GABRA4: variants seen among roughly 807,000 people sequenced by gnomAD.
GABRA4 encodes the protein gamma-aminobutyric acid receptor subunit alpha-4.
Under a neutral mutation model 49.7 loss-of-function variants are expected in GABRA4, and 12 were observed. The ratio of observed to expected loss-of-function variants is 0.24; its 90% CI spans 0.15 to 0.39. The LOEUF (loss-of-function observed/expected upper bound fraction) is 0.39. Among genes scored for constraint, GABRA4 ranks in the 10% least tolerant of loss-of-function variants. The pLI is 1.00. For missense variants in GABRA4, 506 were observed against 686.0 expected, an observed-to-expected ratio of 0.74 and a Z score of 2.93; for synonymous variants, 288 against 240.2, an observed-to-expected ratio of 1.20 and a Z score of -1.84.
intron 8 of GABRA4, among the ~76,000 whole-genome samples, chr4:46,940,927 T>C (rs1282742738): frequency 6.6e-6 from 1 of 152,168 alleles, no homozygotes; most frequent in East Asian, 1.9e-4. Context: ...TAACTTTCTC[T>C]GAGTCTAGCT....
At chr4:46,952,331 C>A (rs1439973712) in intron 8 of GABRA4, among the ~76,000 whole-genome samples, 2 of 151,886 alleles carry the variant, frequency 1.3e-5, no homozygotes, top group African/African-American at 4.8e-5. Context: ...ATCTAGGAAG[C>A]TAAAAAAATC....
At position 46,965,086 on chromosome 4, in the gene GABRA4, C is replaced by G; in HGVS notation, c.1018G>C (p.Val340Leu). ...VFSALIEFAA[V>L]NYFTNIQMEK... ...ATTTGAATATTGGTGAAATAGTTGACAGCAGCAAACTCGATAAGGGCCGAA... is the reference window on the plus strand; with the variant it reads ...ATTTGAATATTGGTGAAATAGTTGAGAGCAGCAAACTCGATAAGGGCCGAA... The change falls in exon 8 of 9, where the codon GTC becomes CTC. Residue 340 changes from valine (V) to leucine (L), a missense_variant. Transcript: ENST00000264318. 6.2e-7 allele frequency: 1 copy of G among 1,612,080 alleles called. No homozygotes were observed. The highest frequency in any genetic ancestry group is 8.5e-7 in the Non-Finnish European group (1 of 1,178,858).
chr4:46,987,030 T>G (rs1723568295), intron 2 of GABRA4, among the ~76,000 whole-genome samples: 1 of 152,130 alleles, frequency 6.6e-6, no homozygotes, highest in African/African-American at 2.4e-5. Context: ...TGACTGCCTG[T>G]TCTGAACACA....
intron 8 of GABRA4, among the ~76,000 whole-genome samples, chr4:46,945,355 T>G (rs1721946928): frequency 6.6e-6 from 1 of 152,112 alleles, no homozygotes. Flanking sequence ...CCTTTGAGGC[T>G]ACACAGGAAA....
intron 2 of GABRA4, among the ~76,000 whole-genome samples, chr4:46,988,282 T>C (rs1229426244): frequency 6.6e-6 from 1 of 152,200 alleles, no homozygotes; most frequent in Non-Finnish European, 1.5e-5. Context: ...TTCATCTCTC[T>C]ATAATGCTTA....
intron 8 of GABRA4, among the ~76,000 whole-genome samples, chr4:46,942,687 A>T (rs1330140092): frequency 6.7e-6 from 1 of 149,830 alleles, no homozygotes; most frequent in African/African-American, 2.4e-5. Context: ...CTGTTAATGA[A>T]TTCTTTGTTT....
In GABRA4 at chr4:46,923,144, C is replaced by T. The variant is rs563080779; in HGVS notation, c.*5081G>A. 1.3e-5 allele frequency: 2 copies of T among 151,092 alleles called. No individual in the cohort carries two copies. Among genetic ancestry groups the T allele is most frequent in the Admixed American group, 1.3e-4 (2 of 15,144 alleles). The allele number at this position is 151,092 out of a possible 1,614,324, so 9.4% of individuals were successfully genotyped here. The stretch of plus-strand genomic sequence containing the variant: ...ACAGTTGGGGACTATTGTATAGAGA[C>T]AAAAGGGATTTGACATAATTGGCAT... On this transcript the variant is annotated 3_prime_UTR_variant, in exon 9 of 9. Coordinates refer to ENST00000264318, the MANE Select transcript of GABRA4 (RefSeq NM_000809.4).
rs552198060 is a variant in GABRA4, at chr4:46,990,588, A to G, written c.205+2240T>C. 5.9e-5 allele frequency among the ~76,000 whole-genome samples: 9 copies of G among 152,356 alleles called. No homozygotes were observed. The South Asian group carries it at 1.9e-3, about 32-fold the overall frequency. On this transcript the variant is annotated intron_variant, in intron 2 of 8. Coordinates refer to ENST00000264318, the MANE Select transcript of GABRA4 (RefSeq NM_000809.4). ...ATTTTCTGATGAATATTTAAACTAC[A>G]TAGGACTGGATACTTTTCTTATTTT...
intron 8 of GABRA4, among the ~76,000 whole-genome samples, chr4:46,949,533 T>C (rs953341074): frequency 1.3e-5 from 2 of 152,128 alleles, no homozygotes; most frequent in Non-Finnish European, 2.9e-5. Flanking sequence ...CTATCCATTG[T>C]AGATTAATTG....
At position 46,960,555 on chromosome 4, in the gene GABRA4, T is replaced by C. The variant is rs567596109; in HGVS notation, c.1134+4415A>G. Among the ~76,000 whole-genome samples the C allele has an allele frequency of 3.3e-5, 5 of 151,808 alleles. No individual in the cohort carries two copies. The East Asian group carries it at 7.8e-4, about 24-fold the overall frequency. ...TGTATAGGTAATACTTCTGAACATA[T>C]GCAATACTAATAAAAATTAACAATG... is the stretch of plus-strand genomic sequence containing the variant. On this transcript the variant is annotated intron_variant, in intron 8 of 8. Coordinates refer to ENST00000264318, the MANE Select transcript of GABRA4 (RefSeq NM_000809.4).
chr4:46,936,349 A>C (rs1721603025), intron 8 of GABRA4, among the ~76,000 whole-genome samples: 1 of 152,168 alleles, frequency 6.6e-6, no homozygotes, highest in Non-Finnish European at 1.5e-5. Flanking sequence ...TCCCAGGTTC[A>C]AGCAATTCTC....
intron 2 of GABRA4, among the ~76,000 whole-genome samples, chr4:46,986,876 G>A (rs144096651): frequency 1.3e-5 from 2 of 152,092 alleles, no homozygotes; most frequent in African/African-American, 2.4e-5. Context: ...TCTAGCTGTC[G>A]TCAGTTGACT....
chr4:46,934,957 A>G (rs756484461), intron 8 of GABRA4, among the ~76,000 whole-genome samples: 8 of 152,174 alleles, frequency 5.3e-5, no homozygotes, highest in Admixed American at 2.6e-4. Flanking sequence ...CTGGAGAGAA[A>G]AGAGTGCAAA....
intron 8 of GABRA4, among the ~76,000 whole-genome samples, chr4:46,962,972 C>A (rs1193170761): frequency 6.6e-6 from 1 of 151,556 alleles, no homozygotes; most frequent in African/African-American, 2.4e-5. Flanking sequence ...TGAATTAAGA[C>A]CACCTCAAAC....
chr4:46,967,411 A>G (rs969814396), intron 7 of GABRA4, among the ~76,000 whole-genome samples: 3 of 150,938 alleles, frequency 2.0e-5, no homozygotes, highest in African/African-American at 7.3e-5. Flanking sequence ...AGTGTTCTTC[A>G]TCTTCTCCTC....
chr4:46,952,953 A>G (rs1273977927), intron 8 of GABRA4, among the ~76,000 whole-genome samples: 4 of 152,146 alleles, frequency 2.6e-5, no homozygotes, highest in Non-Finnish European at 5.9e-5. Context: ...AACCATGTCT[A>G]TATCTCAGTT....
At position 46,920,649 on chromosome 4, in the gene GABRA4, C is replaced by A. The variant is rs561006890; in HGVS notation, c.*7576G>T. The A allele has an allele frequency of 1.3e-5, 2 of 151,644 alleles. No homozygotes were observed. The highest frequency in any genetic ancestry group is 2.4e-5 in the African/African-American group (1 of 41,454). 9.4% of individuals were successfully genotyped at this position (151,644 alleles called of 1,614,324 possible). On this transcript the variant is annotated 3_prime_UTR_variant, in exon 9 of 9. Coordinates refer to ENST00000264318, the MANE Select transcript of GABRA4 (RefSeq NM_000809.4). ...TATTTTGCTGACACCATTTGTTTAT[C>A]CTCTCTGATCACACACACTCACACC...
chr4:46,976,480 G>A (rs1723144734), intron 5 of GABRA4, among the ~76,000 whole-genome samples: 1 of 150,470 alleles, frequency 6.6e-6, no homozygotes, highest in African/African-American at 2.4e-5. Context: ...TCCTTAATGT[G>A]CTGTATAAGG....
Position 46,934,736 on chromosome 4 carries a change from T to C in GABRA4, c.1135-5981A>G, listed in dbSNP as rs550429167. On this transcript the variant is annotated intron_variant, in intron 8 of 8. Transcript: ENST00000264318. ...AGAATTTCTTTAAGATAGGTGACTT[T>C]GTGATTACTTTTGTTTCATACTGAT... is the stretch of plus-strand genomic sequence containing the variant. Among the ~76,000 whole-genome samples the C allele has an allele frequency of 1.1e-4, 16 of 152,326 alleles. No individual in the cohort carries two copies. In the East Asian group the frequency reaches 3.1e-3, roughly 29 times the overall value.
Sources: gnomAD v4.1 joint callset for allele counts (sites outside exome capture counted in the v4.1 genomes callset) on GRCh38, gnomAD v4.1.1 for gene constraint, MANE v1.5 for transcripts, NCBI Gene and HGNC (gene_info 2026-07-23, HGNC 2026-07-21) for gene names.